The following MBD5 variants were observed in gnomAD, a reference collection of about 807,000 sequenced individuals.
The protein encoded by MBD5 is methyl-CpG-binding domain protein 5.
Under a neutral mutation model 117.3 loss-of-function variants are expected in MBD5, and 13 were observed. The observed-to-expected ratio is 0.11, with a 90% CI of 0.07 to 0.18. The LOEUF (loss-of-function observed/expected upper bound fraction) is 0.18. MBD5 is among the 10% of genes least tolerant of loss of function. The pLI is 1.00. For synonymous variants in MBD5, 727 were observed against 766.4 expected (o/e 0.95, Z 0.85); for missense variants, 1,879 against 2,093.8 (o/e 0.90, Z 2.00).
At chr2:148,460,547 A>G (rs2382238) in intron 5 of MBD5, among the ~76,000 whole-genome samples, 136,210 of 152,236 alleles carry the variant, frequency 0.89, 61,249 homozygotes, top group East Asian at 1. Context: ...TGTGCAGTTT[A>G]CTCATAATTT....
At chr2:148,287,340 A>G (rs1701389190) in intron 3 of MBD5, among the ~76,000 whole-genome samples, 1 of 152,338 alleles carries the variant, frequency 6.6e-6, no homozygotes, top group African/African-American at 2.4e-5. Context: ...CCATCCATTG[A>G]TTAGAGAAAG....
intron 4 of MBD5, among the ~76,000 whole-genome samples, chr2:148,412,272 T>TTGTGTG (rs59209677): frequency 0.031 from 4,444 of 144,540 alleles, 113 homozygotes; most frequent in Admixed American, 0.084. Flanking sequence ...AGTATACTTT[T>TTGTGTG]TGTGTGTGTG....
intron 1 of MBD5, among the ~76,000 whole-genome samples, chr2:148,155,859 A>G (rs1160080480): frequency 1.3e-5 from 2 of 152,242 alleles, no homozygotes; most frequent in Admixed American, 6.5e-5. Flanking sequence ...TTAGTAGCAC[A>G]TGGGAGGCTG....
Position 148,469,784 on chromosome 2 carries a change from C to G in MBD5, c.1841C>G (p.Thr614Ser). ...GGAGCTGTTGCCGGCAGTGGCAACA[C>G]TGAAGGACATAGCACTTTAAACACC... ...NSGAVAGSGN[T>S]EGHSTLNTMF... is the part of the protein sequence containing the mutation. The change falls in exon 8 of 14, where the codon ACT becomes AGT. Residue 614 changes from threonine (T) to serine (S), a missense_variant. Thr to Ser is a moderately conservative substitution (Grantham distance 58). Around this residue, in one of 4 missense-constraint regions of MBD5, gnomAD observed 1,666 missense variants for 1,792.2 expected, o/e 0.93. Coordinates refer to ENST00000642680, the MANE Select transcript of MBD5 (RefSeq NM_001378120.1). 1 of 1,613,988 alleles carries G rather than the reference C, an allele frequency of 6.2e-7. No homozygotes were observed. Among genetic ancestry groups the G allele is most frequent in the Non-Finnish European group, 8.5e-7 (1 of 1,179,906 alleles).
chr2:148,156,843 G>C (rs1697888508), intron 1 of MBD5, among the ~76,000 whole-genome samples: 1 of 152,074 alleles, frequency 6.6e-6, no homozygotes, highest in African/African-American at 2.4e-5. Context: ...CAGCACACTT[G>C]TTATTTATTG....
intron 4 of MBD5, among the ~76,000 whole-genome samples, chr2:148,425,867 A>G (rs111717177): frequency 0.25 from 38,410 of 152,142 alleles, 5,713 homozygotes; most frequent in African/African-American, 0.41. Flanking sequence ...CAATAAACTA[A>G]GTATTGATGG....
chr2:148,402,583 T>C lies in MBD5; in HGVS notation c.-556-55620T>C, dbSNP rs145727869. ...ACTGCTTTCTGTCACTATAGATTAG[T>C]TTACATTTTCTGGAATTGTATATAA... On this transcript the variant is annotated intron_variant, in intron 4 of 13. Coordinates refer to ENST00000642680, the MANE Select transcript of MBD5 (RefSeq NM_001378120.1). Among the ~76,000 whole-genome samples, 4 of 152,328 alleles carry C rather than the reference T, an allele frequency of 2.6e-5. No individual in the cohort carries two copies. The East Asian group carries it at 7.7e-4, about 29-fold the overall frequency.
chr2:148,284,513 G>T (rs563046557), intron 3 of MBD5, among the ~76,000 whole-genome samples: 1 of 152,070 alleles, frequency 6.6e-6, no homozygotes, highest in African/African-American at 2.4e-5. Context: ...TCCTTGACTC[G>T]GTGCATGGCT....
chr2:148,345,596 TACAC>T (rs1559033440), intron 4 of MBD5, among the ~76,000 whole-genome samples: 1 of 113,732 alleles, frequency 8.8e-6, no homozygotes, highest in Non-Finnish European at 2.1e-5. Context: ...TATACACGTA[TACAC>T]ATACATATGT....
At chr2:148,143,287 G>A (rs1697362579) in intron 1 of MBD5, among the ~76,000 whole-genome samples, 1 of 152,072 alleles carries the variant, frequency 6.6e-6, no homozygotes, top group Non-Finnish European at 1.5e-5. Flanking sequence ...TTAAGTGAAG[G>A]TATAAGAATA....
chr2:148,178,009 AAG>A (rs1157009682), intron 1 of MBD5, among the ~76,000 whole-genome samples: 1 of 152,144 alleles, frequency 6.6e-6, no homozygotes, highest in Admixed American at 6.5e-5. Context: ...CAAAAACAAA[AAG>A]TACATATTAA....
At chr2:148,085,444 GC>G (rs1695752665) in intron 1 of MBD5, among the ~76,000 whole-genome samples, 1 of 152,158 alleles carries the variant, frequency 6.6e-6, no homozygotes, top group African/African-American at 2.4e-5. Context: ...TTTTGGAGCG[GC>G]CGGGCGCGGT....
At chr2:148,260,251 G>A (rs1431621246) in intron 3 of MBD5, among the ~76,000 whole-genome samples, 6 of 152,108 alleles carry the variant, frequency 3.9e-5, no homozygotes, top group African/African-American at 1.4e-4. Context: ...TAAATCTTTT[G>A]TTGTCATTTC....
intron 1 of MBD5, among the ~76,000 whole-genome samples, chr2:148,067,397 A>G (rs1342420393): frequency 6.6e-6 from 1 of 152,218 alleles, no homozygotes; most frequent in Non-Finnish European, 1.5e-5. Flanking sequence ...AGAGCAAGCT[A>G]AACAAAACTT....
chr2:148,226,820 T>C (rs1699835718), intron 2 of MBD5, among the ~76,000 whole-genome samples: 2 of 152,236 alleles, frequency 1.3e-5, no homozygotes, highest in African/African-American at 4.8e-5. Flanking sequence ...TGGTGTGAGA[T>C]GGTATCTCAT....
intron 4 of MBD5, among the ~76,000 whole-genome samples, chr2:148,412,272 T>TTGTGTGTGTGTGTGTGTGTGTGTG (rs59209677): frequency 4.8e-5 from 7 of 144,584 alleles, no homozygotes; most frequent in African/African-American, 1.3e-4. Flanking sequence ...AGTATACTTT[T>TTGTGTGTGTGTGTGTGTGTGTGTG]TGTGTGTGTG....
At chr2:148,242,568 T>C (rs527739259) in intron 3 of MBD5, among the ~76,000 whole-genome samples, 4 of 152,298 alleles carry the variant, frequency 2.6e-5, no homozygotes, top group Admixed American at 2.6e-4. Flanking sequence ...GTATTTCTTT[T>C]CTATCAAAGA....
intron 1 of MBD5, chr2:148,026,876 C>G (rs1306234306): frequency 6.6e-6 from 1 of 152,240 alleles, no homozygotes; most frequent in Non-Finnish European, 1.5e-5. Context: ...GATCATGCCA[C>G]TGGACTCTGT....
At chr2:148,496,048 T>G in intron 11 of MBD5, among the ~76,000 whole-genome samples, 1 of 152,368 alleles carries the variant, frequency 6.6e-6, no homozygotes, top group South Asian at 2.1e-4. Flanking sequence ...GTTAGCTGTT[T>G]GTATTCTTTG....
Sources: allele counts gnomAD v4.1 joint callset (sites outside exome capture counted in the v4.1 genomes callset), GRCh38; gene constraint gnomAD v4.1.1; regional missense constraint gnomAD v4.1.1; transcripts MANE v1.5; gene names NCBI Gene and HGNC (gene_info 2026-07-23, HGNC 2026-07-21).